The following DOCK1 variants were observed in gnomAD, a reference collection of about 807,000 sequenced individuals.
The protein encoded by DOCK1 is dedicator of cytokinesis 1.
DOCK1 carries 138 observed loss-of-function variants against 262.7 expected under a neutral mutation model. The observed-to-expected ratio is 0.53, with a 90% CI of 0.46 to 0.61. DOCK1 has a LOEUF of 0.61. Among genes scored for constraint, DOCK1 ranks in the 20% least tolerant of loss-of-function variants. DOCK1 has a pLI of 0.00. For missense variants in DOCK1, 1,908 were observed against 2,370.7 expected (o/e 0.80, Z 4.05); for synonymous variants, 866 against 867.4 (o/e 1.00, Z 0.03).
At chr10:127,021,443 G>A (rs2042416041) in intron 13 of DOCK1, among the ~76,000 whole-genome samples, 1 of 152,226 alleles carries the variant, frequency 6.6e-6, no homozygotes, top group African/African-American at 2.4e-5. Flanking sequence ...GGGATTACAG[G>A]CGTGAGCCAC....
chr10:127,199,641 G>A (rs1040920372), intron 27 of DOCK1, among the ~76,000 whole-genome samples: 3 of 152,214 alleles, frequency 2.0e-5, no homozygotes, highest in Non-Finnish European at 4.4e-5. Flanking sequence ...ATGCGACAAA[G>A]TTATCAATGG....
chr10:127,140,465 A>G (rs2051122725), intron 27 of DOCK1, among the ~76,000 whole-genome samples: 1 of 152,074 alleles, frequency 6.6e-6, no homozygotes. Context: ...CCATCTCCCC[A>G]TCTGTCACAT....
rs944407735 is a variant in DOCK1 at position 127,027,331 on chromosome 10, A to G, written c.1624+907A>G. 2.0e-5 allele frequency among the ~76,000 whole-genome samples: 3 copies of G among 152,326 alleles called. No individual in the cohort carries two copies. In the East Asian group the frequency reaches 5.8e-4, roughly 29 times the overall value. On this transcript the variant is annotated intron_variant, in intron 16 of 51. Transcript: ENST00000623213. ...ACCTTTCTGGCTGGTGCCGTGGCTCACACCTGTAATCCCAGAACTTTGGGA... is the reference window on the plus strand; with the variant it reads ...ACCTTTCTGGCTGGTGCCGTGGCTCGCACCTGTAATCCCAGAACTTTGGGA...
chr10:127,282,120 C>T (rs555561872), intron 29 of DOCK1, among the ~76,000 whole-genome samples: 73 of 152,236 alleles, frequency 4.8e-4, no homozygotes, highest in African/African-American at 1.5e-3. Flanking sequence ...CTGTGGGTTG[C>T]GGGTTGGACA....
intron 51 of DOCK1, 133 bp from the exon 52 acceptor site, chr10:127,451,199 G>A (rs993453977): frequency 1.8e-5 from 18 of 1,003,476 alleles, no homozygotes; most frequent in South Asian, 4.4e-5. Flanking sequence ...AGTCGGACAG[G>A]ATGGAGCCCA....
intron 1 of DOCK1, among the ~76,000 whole-genome samples, chr10:126,969,411 T>C (rs1181427969): frequency 3.3e-5 from 5 of 152,184 alleles, no homozygotes; most frequent in African/African-American, 1.2e-4. Flanking sequence ...TGGAGGCCAT[T>C]CCTTGTACGG....
chr10:127,095,085 C>T (rs1227566445), intron 23 of DOCK1, among the ~76,000 whole-genome samples: 1 of 152,160 alleles, frequency 6.6e-6, no homozygotes, highest in Non-Finnish European at 1.5e-5. Context: ...CGGTAATGCT[C>T]CTATTTAGAA....
intron 23 of DOCK1, among the ~76,000 whole-genome samples, chr10:127,073,299 A>G (rs986918291): frequency 6.6e-6 from 1 of 152,216 alleles, no homozygotes; most frequent in Non-Finnish European, 1.5e-5. Flanking sequence ...CTATTGACCA[A>G]CTGATTCCGA....
chr10:127,088,554 G>A (rs1415923499), intron 23 of DOCK1, among the ~76,000 whole-genome samples: 1 of 152,108 alleles, frequency 6.6e-6, no homozygotes, highest in Non-Finnish European at 1.5e-5. Context: ...AATGATTATG[G>A]TGCTTTTTAA....
chr10:127,249,068 A>G (rs1286683699), intron 28 of DOCK1, among the ~76,000 whole-genome samples: 1 of 152,122 alleles, frequency 6.6e-6, no homozygotes, highest in Non-Finnish European at 1.5e-5. Flanking sequence ...CCCTGGTGCC[A>G]AAAAGGATGG....
chr10:127,352,873 G>A (rs867503942), intron 31 of DOCK1, among the ~76,000 whole-genome samples: 2 of 152,094 alleles, frequency 1.3e-5, no homozygotes, highest in Non-Finnish European at 2.9e-5. Flanking sequence ...GATTACAGAC[G>A]TGAGCCACCG....
intron 27 of DOCK1, 79 bp from the exon 28 acceptor site, chr10:127,247,929 C>T (rs1470572496): frequency 2.8e-6 from 4 of 1,415,862 alleles, no homozygotes; most frequent in Middle Eastern, 1.7e-4. Context: ...GTTTCAAGTC[C>T]CAGAATCTGG....
At chr10:127,115,511 T>A (rs2049126840) in intron 25 of DOCK1, among the ~76,000 whole-genome samples, 1 of 152,232 alleles carries the variant, frequency 6.6e-6, no homozygotes, top group African/African-American at 2.4e-5. Flanking sequence ...TCATCATTTG[T>A]GCATTTGTAG....
Position 127,175,037 on chromosome 10 carries a change from C to T in DOCK1, c.2847+47273C>T, listed in dbSNP as rs1400086162. Among the ~76,000 whole-genome samples, 3 of 152,086 alleles carry T rather than the reference C, an allele frequency of 2.0e-5. No homozygotes were observed. The highest frequency in any genetic ancestry group is 1.9e-4 in the East Asian group (1 of 5,176). ...AAGCGTATCGTGCAGGATGCAGTGA[C>T]GTCTAGTATCATAAAATAATCTGCG... On this transcript the variant is annotated intron_variant, in intron 27 of 51. Transcript: ENST00000623213. The surrounding 1 kb of genome is among the most constrained non-coding windows in gnomAD (Gnocchi z 6.3).
chr10:127,429,024 C>CGTGTGGATTGGGGTGCT (rs2069083095), intron 47 of DOCK1, among the ~76,000 whole-genome samples: 1 of 130,620 alleles, frequency 7.7e-6, no homozygotes, highest in Non-Finnish European at 1.6e-5. Context: ...ATTGGGGTGC[C>CGTGTGGATTGGGGTGCT]GTGTGGATTG....
chr10:127,208,639 A>C (rs2057829921), intron 27 of DOCK1, among the ~76,000 whole-genome samples: 1 of 152,190 alleles, frequency 6.6e-6, no homozygotes, highest in South Asian at 2.1e-4. Context: ...GAATATTATC[A>C]GGAAGCCAAG....
intron 38 of DOCK1, among the ~76,000 whole-genome samples, chr10:127,386,162 T>C (rs2066106098): frequency 6.6e-6 from 1 of 152,134 alleles, no homozygotes; most frequent in Non-Finnish European, 1.5e-5. Flanking sequence ...CTGCTCACAT[T>C]TGGAGTAAGC....
At position 127,289,661 on chromosome 10, in the gene DOCK1, T is replaced by G. The variant is rs149584032; in HGVS notation, c.3044+32232T>G. ...TTTGTACCTTTGAAAATTTATCACA[T>G]GAGAAATGGCATCTGAGTGCAGTTT... On this transcript the variant is annotated intron_variant, in intron 29 of 51. Coordinates refer to ENST00000623213, the MANE Select transcript of DOCK1 (RefSeq NM_001290223.2). 4.1e-4 allele frequency among the ~76,000 whole-genome samples: 62 copies of G among 152,310 alleles called. No homozygotes were observed. The South Asian group carries it at 0.012, about 29-fold the overall frequency.
intron 27 of DOCK1, among the ~76,000 whole-genome samples, chr10:127,141,278 A>G (rs1405997152): frequency 6.6e-6 from 1 of 152,212 alleles, no homozygotes; most frequent in East Asian, 1.9e-4. Flanking sequence ...CATCTTCTCG[A>G]ATGCAGGCAC....
Sources: gnomAD v4.1 joint callset for allele counts (sites outside exome capture counted in the v4.1 genomes callset) on GRCh38, gnomAD v4.1.1 for gene constraint, Gnocchi (gnomAD v3.1) non-coding constraint, MANE v1.5 for transcripts, NCBI Gene and HGNC (gene_info 2026-07-23, HGNC 2026-07-21) for gene names.